STRN: variants seen among roughly 807,000 people sequenced by gnomAD.
STRN encodes protein phosphatase 2 regulatory subunit B'''alpha.
In STRN, 53 loss-of-function variants were observed where a neutral mutation model predicts 96.3. The observed-to-expected ratio is 0.55, with a 90% CI of 0.44 to 0.69. STRN has a LOEUF of 0.69. STRN is among the 30% of genes least tolerant of loss of function. STRN has a pLI of 0.00. For synonymous variants in STRN, 428 were observed against 355.9 expected, an observed-to-expected ratio of 1.20 and a Z score of -2.28; for missense variants, 987 against 963.9, an observed-to-expected ratio of 1.02 and a Z score of -0.32.
At chr2:36,946,243 T>C (rs1237489715) in intron 1 of STRN, among the ~76,000 whole-genome samples, 15 of 152,056 alleles carry the variant, frequency 9.9e-5, no homozygotes, top group Non-Finnish European at 1.5e-5. Context: ...CAGTTGATTT[T>C]TTTCTACCTA....
chr2:36,852,906 C>T (rs1305905348), intron 15 of STRN, among the ~76,000 whole-genome samples: 1 of 152,160 alleles, frequency 6.6e-6, no homozygotes, highest in Non-Finnish European at 1.5e-5. Context: ...CCTGTAATCG[C>T]AGCACTTTAG....
chr2:36,924,892 A>C (rs547692665), intron 2 of STRN, among the ~76,000 whole-genome samples: 1 of 152,302 alleles, frequency 6.6e-6, no homozygotes, highest in African/African-American at 2.4e-5. Context: ...CCATGACTCT[A>C]CTAAAAATAC....
Position 36,884,065 on chromosome 2 carries a change from C to A in STRN, c.1053G>T (p.Arg351Ser), listed in dbSNP as rs1032520191. ...TAGCAAGCATATCTTGTAGTTTTGA[C>A]CTATTGGGCCCTAGCCAAAAAAAGG... ...KGKKGVKRPN[R>S]SKLQDMLANL... The change falls in exon 9 of 18, where the codon AGG becomes AGT. Residue 351 changes from arginine to serine, a missense_variant. Coordinates refer to ENST00000263918, the MANE Select transcript of STRN (RefSeq NM_003162.4). 5.2e-6 allele frequency: 7 copies of A among 1,347,926 alleles called. No individual in the cohort carries two copies. Among genetic ancestry groups the A allele is most frequent in the Non-Finnish European group, 4.8e-6 (5 of 1,040,600 alleles). The allele number at this position is 1,347,926 out of a possible 1,614,324, so 83.5% of individuals were successfully genotyped here. A position where few individuals can be genotyped will look rare whatever the true frequency, so the allele number is the denominator to read the frequency against.
intron 2 of STRN, among the ~76,000 whole-genome samples, chr2:36,923,398 C>T (rs1183769768): frequency 1.3e-5 from 2 of 149,334 alleles, no homozygotes; most frequent in Non-Finnish European, 3.0e-5. Flanking sequence ...TTGCAGTAAG[C>T]CGAGATCACA....
intron 2 of STRN, among the ~76,000 whole-genome samples, chr2:36,924,538 G>C (rs991500882): frequency 6.6e-6 from 1 of 151,938 alleles, no homozygotes; most frequent in Non-Finnish European, 1.5e-5. Context: ...ACAGTTCGGG[G>C]AGCATATTTG....
intron 1 of STRN, among the ~76,000 whole-genome samples, chr2:36,929,953 A>C (rs1014828038): frequency 6.6e-6 from 1 of 152,256 alleles, no homozygotes; most frequent in Non-Finnish European, 1.5e-5. Flanking sequence ...GAAATATATA[A>C]GTAAAAGTCA....
At chr2:36,893,014 G>A (rs903543875) in intron 7 of STRN, among the ~76,000 whole-genome samples, 2 of 151,728 alleles carry the variant, frequency 1.3e-5, no homozygotes, top group Non-Finnish European at 2.9e-5. Flanking sequence ...AGTGAGACTC[G>A]GTATCAAAAA....
intron 7 of STRN, among the ~76,000 whole-genome samples, chr2:36,893,688 T>G (rs951223221): frequency 6.6e-6 from 1 of 151,852 alleles, no homozygotes; most frequent in African/African-American, 2.4e-5. Context: ...TACTGTATTG[T>G]TGTTGTTTTT....
At chr2:36,954,520 G>GGA (rs1558668574) in intron 1 of STRN, among the ~76,000 whole-genome samples, 1 of 84,894 alleles carries the variant, frequency 1.2e-5, no homozygotes, top group Non-Finnish European at 2.5e-5. Context: ...TCAAACAGGG[G>GGA]AAAAAAAAAA....
chr2:36,940,148 T>G (rs1008099198), intron 1 of STRN, among the ~76,000 whole-genome samples: 1 of 152,200 alleles, frequency 6.6e-6, no homozygotes, highest in African/African-American at 2.4e-5. Flanking sequence ...ACTGAAGAAA[T>G]GAACATTATA....
Position 36,848,105 on chromosome 2 carries a change from T to C in STRN, c.*1351A>G, listed in dbSNP as rs1050746339. On this transcript the variant is annotated 3_prime_UTR_variant, in exon 18 of 18. Coordinates refer to ENST00000263918, the MANE Select transcript of STRN (RefSeq NM_003162.4). ...CAGAATCCCAAAAGGTGAACACATG[T>C]AGGTGGGTCACAGGTAAGTTGGGCT... is the stretch of plus-strand genomic sequence containing the variant. 1.3e-5 allele frequency: 2 copies of C among 152,184 alleles called. No homozygotes were observed. Among genetic ancestry groups the C allele is most frequent in the African/African-American group, 4.8e-5 (2 of 41,452 alleles). The allele number at this position is 152,184 out of a possible 1,614,324, so 9.4% of individuals were successfully genotyped here.
chr2:36,927,723 A>G (rs62132554), intron 1 of STRN, among the ~76,000 whole-genome samples: 3,946 of 152,346 alleles, frequency 0.026, 72 homozygotes, highest in Non-Finnish European at 0.038. Context: ...TCAGATGGAT[A>G]AAGTTCAGTA....
intron 12 of STRN, among the ~76,000 whole-genome samples, chr2:36,861,964 C>A (rs75635648): frequency 6.6e-6 from 1 of 151,992 alleles, no homozygotes; most frequent in Non-Finnish European, 1.5e-5. Flanking sequence ...TCTATTGTTC[C>A]CTTCTTCTGT....
rs1257204028 is a variant in STRN at position 36,846,699 on chromosome 2, A to C, written c.*2757T>G. ...AACTAAGTATTTGTTTAATGGCAAA[A>C]GTTGTTAAACTTGTTCAATAGAAAA... On this transcript the variant is annotated 3_prime_UTR_variant, in exon 18 of 18. Coordinates refer to ENST00000263918, the MANE Select transcript of STRN (RefSeq NM_003162.4). 1 of 151,862 alleles carries C rather than the reference A, an allele frequency of 6.6e-6. No homozygotes were observed. The highest frequency in any genetic ancestry group is 2.4e-5 in the African/African-American group (1 of 41,350). 9.4% of individuals were successfully genotyped at this position (151,862 alleles called of 1,614,324 possible). A position where few individuals can be genotyped will look rare whatever the true frequency, so the allele number is the denominator to read the frequency against.
chr2:36,844,022 A>G lies in STRN; in HGVS notation c.*5434T>C, dbSNP rs969030484. 1 of 152,160 alleles carries G rather than the reference A, an allele frequency of 6.6e-6. No homozygotes were observed. The highest frequency in any genetic ancestry group is 2.4e-5 in the African/African-American group (1 of 41,458). The allele number at this position is 152,160 out of a possible 1,614,324, so 9.4% of individuals were successfully genotyped here. A position where few individuals can be genotyped will look rare whatever the true frequency, so the allele number is the denominator to read the frequency against. Reference sequence around the variant, plus strand: ...TCACCAGCTGGAGGACTGGGTGTGGAGAGAAAGGGTTATTTAGGAATCTGA... The same window carrying G: ...TCACCAGCTGGAGGACTGGGTGTGGGGAGAAAGGGTTATTTAGGAATCTGA... On this transcript the variant is annotated 3_prime_UTR_variant, in exon 18 of 18. Transcript: ENST00000263918.
chr2:36,851,470 G>A (rs1303959062), intron 15 of STRN, among the ~76,000 whole-genome samples: 2 of 152,094 alleles, frequency 1.3e-5, no homozygotes, highest in South Asian at 2.1e-4. Flanking sequence ...GTGTCAGAGC[G>A]AGACTCCATT....
intron 1 of STRN, among the ~76,000 whole-genome samples, chr2:36,939,054 C>T (rs1378425093): frequency 4.6e-5 from 7 of 151,610 alleles, no homozygotes; most frequent in Admixed American, 3.9e-4. Context: ...GGTGCGAGCT[C>T]GGCTCACTGC....
intron 10 of STRN, among the ~76,000 whole-genome samples, chr2:36,876,978 G>C (rs1354378298): frequency 1.3e-5 from 2 of 152,114 alleles, no homozygotes; most frequent in Non-Finnish European, 2.9e-5. Flanking sequence ...CCGATCTCCT[G>C]ACCTCGTGAT....
At chr2:36,947,079 G>A (rs1038860693) in intron 1 of STRN, among the ~76,000 whole-genome samples, 5 of 151,984 alleles carry the variant, frequency 3.3e-5, no homozygotes, top group African/African-American at 1.2e-4. Flanking sequence ...TGTATTTTTA[G>A]TAGAGACAGG....
Sources: allele counts gnomAD v4.1 joint callset (sites outside exome capture counted in the v4.1 genomes callset), GRCh38; gene constraint gnomAD v4.1.1; transcripts MANE v1.5; gene names NCBI Gene and HGNC (gene_info 2026-07-23, HGNC 2026-07-21).